Variants in PLXNA3 observed in about 807,000 individuals in gnomAD.
PLXNA3 encodes plexin-A3.
In PLXNA3, 52 loss-of-function variants were observed where a neutral mutation model predicts 118.8. The ratio of observed to expected loss-of-function variants is 0.44; its 90% CI spans 0.35 to 0.55. The LOEUF (loss-of-function observed/expected upper bound fraction) is 0.55. Among genes scored for constraint, PLXNA3 ranks in the 20% least tolerant of loss-of-function variants. The pLI, the probability that PLXNA3 is intolerant of heterozygous loss-of-function variation, is 0.01. For synonymous variants in PLXNA3, 925 were observed against 762.4 expected, an observed-to-expected ratio of 1.21 and a Z score of -3.51; for missense variants, 1,660 against 1,730.8, an observed-to-expected ratio of 0.96 and a Z score of 0.73.
chrX:154,464,259 C>T lies in PLXNA3; in HGVS notation c.1774C>T (p.Leu592=). 1 of 1,208,616 alleles carries T rather than the reference C, an allele frequency of 8.3e-7. No homozygotes were observed. Among genetic ancestry groups the T allele is most frequent in the Non-Finnish European group, 1.1e-6 (1 of 894,978 alleles). The change falls in exon 8 of 33, where the codon CTG becomes TTG. Residue 592 remains leucine (L), a synonymous_variant. Transcript: ENST00000369682. ...GGCGGTCCTGCTGCCCTCCGGTGAA[C>T]TGCTCTGCCCCTCACCCTCCCTCCA... ...NEAVLLPSGE[L]LCPSPSLQEL...
intron 15 of PLXNA3, 32 bp downstream of exon 15, chrX:154,466,302 C>T (rs1385915255): frequency 1.7e-6 from 2 of 1,209,330 alleles, no homozygotes; most frequent in Non-Finnish European, 2.2e-6. Flanking sequence ...CCCTTCCTGT[C>T]CCTTCTCTCT....
chrX:154,468,882 G>A lies in PLXNA3; in HGVS notation c.4347G>A (p.Lys1449=). 8.3e-7 allele frequency: 1 copy of A among 1,211,604 alleles called. No homozygotes were observed. The highest frequency in any genetic ancestry group is 1.1e-6 in the Non-Finnish European group (1 of 895,512). ...LYCAIKQQME[K]GPIDAITGEA... ...GTGCCATCAAGCAGCAGATGGAGAAGGGCCCCATTGATGCCATCACGGGCG... is the reference window on the plus strand; with the variant it reads ...GTGCCATCAAGCAGCAGATGGAGAAAGGCCCCATTGATGCCATCACGGGCG... The change falls in exon 25 of 33, where the codon AAG becomes AAA. Residue 1449 remains lysine, a synonymous_variant. Coordinates refer to ENST00000369682, the MANE Select transcript of PLXNA3 (RefSeq NM_017514.5).
intron 1 of PLXNA3, among the ~76,000 whole-genome samples, chrX:154,459,919 C>A (rs1444986149): frequency 8.8e-6 from 1 of 113,250 alleles, no homozygotes; most frequent in Non-Finnish European, 1.9e-5. Flanking sequence ...GCTCTGCTAC[C>A]CCCTTGGGTG....
chrX:154,459,646 C>T (rs1483163042), intron 1 of PLXNA3, among the ~76,000 whole-genome samples: 4 of 112,533 alleles, frequency 3.6e-5, no homozygotes, highest in African/African-American at 9.7e-5. Flanking sequence ...GCTGGGGCCC[C>T]TGCAGGGGAC....
chrX:154,472,098 A>C (rs1180193712), intron 32 of PLXNA3, among the ~76,000 whole-genome samples: 1 of 110,501 alleles, frequency 9.0e-6, no homozygotes, highest in Admixed American at 9.6e-5. Context: ...CAAAGAGGGG[A>C]GGGGAGGGGA....
At chrX:154,463,326 G>C (rs1557205452) in intron 4 of PLXNA3, 65 bp from the exon 5 acceptor site, 2 of 1,199,266 alleles carry the variant, frequency 1.7e-6, no homozygotes, top group Non-Finnish European at 2.3e-6. Context: ...AAAGTCTTTG[G>C]CTGGAGAAGA....
intron 5 of PLXNA3, 31 bp downstream of exon 5, chrX:154,463,550 G>T: frequency 8.6e-7 from 1 of 1,168,155 alleles, no homozygotes; most frequent in East Asian, 3.1e-5. Flanking sequence ...GGTGGGTGGT[G>T]GGGCGGGGGT....
At chrX:154,460,808 AC>A (rs782192178) in intron 2 of PLXNA3, 31 bp downstream of exon 2, 2 of 1,005,112 alleles carry the variant, frequency 2.0e-6, no homozygotes, top group Non-Finnish European at 2.7e-6. Context: ...TTCTTCCTCC[AC>A]CCAGTCCTGG....
intron 31 of PLXNA3, 51 bp from the exon 32 acceptor site, chrX:154,471,437 G>T (rs1557209462): frequency 1.1e-5 from 13 of 1,172,726 alleles, no homozygotes; most frequent in Non-Finnish European, 1.5e-5. Context: ...TGAGGGCAGG[G>T]GTTCTAGTTT....
chrX:154,464,724 C>CT, intron 9 of PLXNA3, 30 bp from the exon 10 acceptor site: 8 of 1,009,485 alleles, frequency 7.9e-6, no homozygotes, highest in Non-Finnish European at 1.1e-5. Flanking sequence ...GCAGCCTCCT[C>CT]TGTTATTTCT....
chrX:154,465,555 G>T (rs782225416), intron 12 of PLXNA3, 35 bp downstream of exon 12: 1 of 1,162,937 alleles, frequency 8.6e-7, no homozygotes, highest in African/African-American at 1.8e-5. Flanking sequence ...CCCTCCTAAG[G>T]CAATTGGCAC....
intron 2 of PLXNA3, 140 bp downstream of exon 2, chrX:154,460,917 T>C: frequency 1.6e-6 from 1 of 617,887 alleles, no homozygotes; most frequent in Non-Finnish European, 2.4e-6. Flanking sequence ...GATGACAGCC[T>C]GAACCCAGGT....
rs190675077 is a variant in PLXNA3, at chrX:154,472,667, C to T, written c.5598C>T (p.Leu1866=). The change falls in exon 33 of 33, where the codon CTC becomes CTT. Residue 1866 remains leucine (L), a synonymous_variant. Coordinates refer to ENST00000369682, the MANE Select transcript of PLXNA3 (RefSeq NM_017514.5). ...AGAAACTGGAACAGATCATCAGCCT[C>T]GTGTCCAGCGACAGCTAAGGTGGTG... ...LRQKLEQIIS[L]VSSDS is the part of the protein sequence containing the mutation. 157 of 1,195,889 alleles carry T rather than the reference C, an allele frequency of 1.3e-4. No homozygotes were observed. The highest frequency in any genetic ancestry group is 3.0e-4 in the East Asian group (10 of 33,679).
At chrX:154,466,596 C>G in intron 16 of PLXNA3, 27 bp from the exon 17 acceptor site, 2 of 1,195,755 alleles carry the variant, frequency 1.7e-6, no homozygotes, top group African/African-American at 3.5e-5. Context: ...GGGCCACCCG[C>G]TCCAAGCACC....
At chrX:154,470,769 G>T in intron 30 of PLXNA3, 158 bp downstream of exon 30, 1 of 523,392 alleles carries the variant, frequency 1.9e-6, no homozygotes, top group South Asian at 3.0e-5. Context: ...AAGCCAAGGG[G>T]CCTGTTGCGT....
In PLXNA3 at chrX:154,461,194, C is replaced by T. The variant is rs200804384; in HGVS notation, c.690C>T (p.Phe230=). 1.3e-4 allele frequency: 158 copies of T among 1,211,118 alleles called. No homozygotes were observed. The highest frequency in any genetic ancestry group is 3.7e-4 in the Admixed American group (17 of 46,091). The change falls in exon 3 of 33, where the codon TTC becomes TTT. Residue 230 remains phenylalanine (F), a synonymous_variant. Coordinates refer to ENST00000369682, the MANE Select transcript of PLXNA3 (RefSeq NM_017514.5). ...PAFDIYYIYG[F]VSASFVYFLT... The stretch of plus-strand genomic sequence containing the variant: ...TTGACATCTACTACATCTACGGCTT[C>T]GTCAGCGCCTCCTTCGTGTACTTCC...
chrX:154,460,833 A>G (rs2068939242), intron 2 of PLXNA3, 56 bp downstream of exon 2: 1 of 887,878 alleles, frequency 1.1e-6, no homozygotes, highest in African/African-American at 2.0e-5. Flanking sequence ...TGCCTCCCAG[A>G]AGAGCCCTGT....
rs1305729629 is a variant in PLXNA3 at position 154,477,730 on chromosome X, G to A, written c.*5045G>A. 1.7e-5 allele frequency: 6 copies of A among 359,966 alleles called. No homozygotes were observed. Among genetic ancestry groups the A allele is most frequent in the Non-Finnish European group, 2.9e-5 (6 of 207,795 alleles). The allele number at this position is 359,966 out of a possible 1,213,427, so 29.7% of individuals were successfully genotyped here. On this transcript the variant is annotated 3_prime_UTR_variant, in exon 33 of 33. Transcript: ENST00000369682. ...CCCCCCAGCAACCCAAGCACAACAA[G>A]AATATTGGGAGGTGCCCCAGCTGCA...
At position 154,468,146 on chromosome X, in the gene PLXNA3, C is replaced by T. The variant is rs1319001528; in HGVS notation, c.3885C>T (p.Pro1295=). 2 of 1,193,719 alleles carry T rather than the reference C, an allele frequency of 1.7e-6. No individual in the cohort carries two copies. Among genetic ancestry groups the T allele is most frequent in the East Asian group, 3.0e-5 (1 of 33,678 alleles). ...LTNHMDEVQI[P]FLDYRTYAVR... is the part of the protein sequence containing the mutation. Reference sequence around the variant, plus strand: ...ACCACATGGACGAGGTGCAGATCCCCTTCCTGGACTACCGGACTTACGCCG... The same window carrying T: ...ACCACATGGACGAGGTGCAGATCCCTTTCCTGGACTACCGGACTTACGCCG... The change falls in exon 22 of 33, where the codon CCC becomes CCT. Residue 1295 remains proline (P), a synonymous_variant. Transcript: ENST00000369682.
Sources: gnomAD v4.1 joint callset for allele counts (sites outside exome capture counted in the v4.1 genomes callset) on GRCh38, gnomAD v4.1.1 for gene constraint, MANE v1.5 for transcripts, NCBI Gene and HGNC (gene_info 2026-07-23, HGNC 2026-07-21) for gene names.